The following CLASP1 variants were observed in gnomAD, a reference collection of about 807,000 sequenced individuals.
CLASP1 encodes CLIP-associating protein 1.
CLASP1 carries 38 observed loss-of-function variants against 192.3 expected under a neutral mutation model. The ratio of observed to expected loss-of-function variants is 0.20; its 90% CI spans 0.15 to 0.26. CLASP1 has a LOEUF of 0.26. CLASP1 is among the 10% of genes least tolerant of loss of function. The probability of loss-of-function intolerance (pLI) is 1.00; values close to 1 mark genes in which losing one functional copy is unlikely to be tolerated. For synonymous variants in CLASP1, 691 were observed against 712.8 expected (o/e 0.97, Z 0.49); for missense variants, 1,433 against 1,932.5 (o/e 0.74, Z 4.85).
intron 1 of CLASP1, among the ~76,000 whole-genome samples, chr2:121,621,399 G>A (rs1294769417): frequency 1.3e-5 from 2 of 152,098 alleles, no homozygotes; most frequent in African/African-American, 4.8e-5. Context: ...CCTCCAAAGT[G>A]CTGGGATTAC....
chr2:121,530,221 T>C, intron 3 of CLASP1, 26 bp downstream of exon 3: 2 of 1,540,456 alleles, frequency 1.3e-6, no homozygotes, highest in Non-Finnish European at 1.8e-6. Context: ...AGGGGCCGGG[T>C]CCGCTCCACA....
At chr2:121,450,501 C>T (rs2085263295) in intron 16 of CLASP1, among the ~76,000 whole-genome samples, 1 of 152,136 alleles carries the variant, frequency 6.6e-6, no homozygotes, top group Non-Finnish European at 1.5e-5. Context: ...TAATATGATT[C>T]ACACCAAGGA....
chr2:121,402,481 C>A, intron 26 of CLASP1: 1 of 458,116 alleles, frequency 2.2e-6, no homozygotes, highest in Non-Finnish European at 4.3e-6. Context: ...CAACTATTCA[C>A]CACCAGGGGT....
intron 38 of CLASP1, among the ~76,000 whole-genome samples, chr2:121,348,059 C>T (rs2063695474): frequency 6.6e-6 from 1 of 151,500 alleles, no homozygotes; most frequent in Non-Finnish European, 1.5e-5. Flanking sequence ...GCAGTCCACA[C>T]AGTGGAACGC....
chr2:121,531,101 G>A lies in CLASP1; in HGVS notation c.196-776C>T, dbSNP rs1052418597. On this transcript the variant is annotated intron_variant, in intron 2 of 39. Coordinates refer to ENST00000263710, the Ensembl canonical transcript of CLASP1. ...GGTTAAACCAGTAGAGGGTGCACAAGACGCGTGGTTTTAGTGTCGCAAGTA... is the reference window on the plus strand; with the variant it reads ...GGTTAAACCAGTAGAGGGTGCACAAAACGCGTGGTTTTAGTGTCGCAAGTA... 71 of 649,542 alleles carry A rather than the reference G, an allele frequency of 1.1e-4. 1 individual carries two copies. Among genetic ancestry groups the A allele is most frequent in the East Asian group, 1.9e-4 (7 of 36,424 alleles). 40.2% of individuals were successfully genotyped at this position (649,542 alleles called of 1,614,324 possible). A position where few individuals can be genotyped will look rare whatever the true frequency, so the allele number is the denominator to read the frequency against.
At chr2:121,565,775 G>C (rs879873351) in intron 2 of CLASP1, among the ~76,000 whole-genome samples, 1 of 152,214 alleles carries the variant, frequency 6.6e-6, no homozygotes, top group Non-Finnish European at 1.5e-5. Flanking sequence ...GCATGCTCAA[G>C]TCTAGATGCT....
At chr2:121,455,749 C>T (rs1034020660) in intron 14 of CLASP1, among the ~76,000 whole-genome samples, 2 of 152,136 alleles carry the variant, frequency 1.3e-5, no homozygotes, top group Non-Finnish European at 1.5e-5. Flanking sequence ...ATGGTCTCAG[C>T]TACTTGGGAG....
intron 19 of CLASP1, among the ~76,000 whole-genome samples, chr2:121,443,349 T>C (rs1231268004): frequency 2.6e-5 from 4 of 152,132 alleles, no homozygotes; most frequent in Admixed American, 1.3e-4. Context: ...TTCTGTTATA[T>C]AGGCATAGAA....
intron 23 of CLASP1, among the ~76,000 whole-genome samples, chr2:121,412,001 A>G (rs1208158565): frequency 6.6e-6 from 1 of 152,206 alleles, no homozygotes; most frequent in Non-Finnish European, 1.5e-5. Flanking sequence ...TGTTAGCTAT[A>G]TTCTGGAAGC....
chr2:121,382,205 T>C lies in CLASP1; in HGVS notation c.3491+3A>G, dbSNP rs1307749077. ...CAGACAAGTTTGACAGGTAGCTTGTTACCTGGGAGAGTAAGAGCGCCTGAG... is the reference window on the plus strand; with the variant it reads ...CAGACAAGTTTGACAGGTAGCTTGTCACCTGGGAGAGTAAGAGCGCCTGAG... On this transcript the variant is annotated splice_donor_region_variant and intron_variant, in intron 33 of 39. Transcript: ENST00000263710. The C allele has an allele frequency of 1.2e-6, 2 of 1,601,286 alleles. No homozygotes were observed. The highest frequency in any genetic ancestry group is 1.7e-5 in the Admixed American group (1 of 58,656).
chr2:121,558,973 C>G (rs934638205), intron 2 of CLASP1, among the ~76,000 whole-genome samples: 1 of 152,152 alleles, frequency 6.6e-6, no homozygotes, highest in African/African-American at 2.4e-5. Flanking sequence ...ATCAATCCAC[C>G]GAACTGCACC....
At chr2:121,403,815 C>T (rs1385645346) in intron 26 of CLASP1, 2 of 462,986 alleles carry the variant, frequency 4.3e-6, no homozygotes, top group East Asian at 6.6e-5. Flanking sequence ...CTTAGTGTTC[C>T]CTATGGCCCT....
At chr2:121,558,970 C>G (rs926051286) in intron 2 of CLASP1, among the ~76,000 whole-genome samples, 2 of 152,150 alleles carry the variant, frequency 1.3e-5, no homozygotes, top group African/African-American at 4.8e-5. Context: ...ACAATCAATC[C>G]ACCGAACTGC....
chr2:121,427,482 A>G (rs908509369), intron 20 of CLASP1, 52 bp from the exon 21 acceptor site: 6 of 1,590,362 alleles, frequency 3.8e-6, no homozygotes, highest in African/African-American at 1.3e-5. Flanking sequence ...TTAAAAGACA[A>G]TAACACAATA....
intron 11 of CLASP1, 97 bp from the exon 12 acceptor site, chr2:121,460,222 A>T (rs2087607788): frequency 5.2e-6 from 5 of 969,996 alleles, no homozygotes; most frequent in Non-Finnish European, 7.5e-6. Flanking sequence ...GATCATTGTT[A>T]AAGTTCAACT....
chr2:121,559,350 A>G (rs1480767729), intron 2 of CLASP1, among the ~76,000 whole-genome samples: 1 of 152,220 alleles, frequency 6.6e-6, no homozygotes, highest in African/African-American at 2.4e-5. Context: ...TCCTAGGTAT[A>G]TACCCAAGAG....
intron 22 of CLASP1, among the ~76,000 whole-genome samples, chr2:121,421,388 C>T (rs1309984351): frequency 2.0e-5 from 3 of 151,660 alleles, no homozygotes; most frequent in East Asian, 1.9e-4. Context: ...GCTGGGATTA[C>T]AGGTGCACAC....
At chr2:121,405,681 T>TAA (rs1478246173) in intron 25 of CLASP1, among the ~76,000 whole-genome samples, 1 of 151,682 alleles carries the variant, frequency 6.6e-6, no homozygotes, top group Non-Finnish European at 1.5e-5. Flanking sequence ...AATTATTCAA[T>TAA]GGGTACTTGG....
chr2:121,470,831 A>T (rs2090587429), intron 8 of CLASP1, among the ~76,000 whole-genome samples: 1 of 152,222 alleles, frequency 6.6e-6, no homozygotes, highest in Non-Finnish European at 1.5e-5. Flanking sequence ...CATTGCCAAC[A>T]TTTAATATTA....
Sources: allele counts gnomAD v4.1 joint callset (sites outside exome capture counted in the v4.1 genomes callset), GRCh38; gene constraint gnomAD v4.1.1; transcripts MANE v1.5; gene names NCBI Gene and HGNC (gene_info 2026-07-23, HGNC 2026-07-21).